ADGRF1: variants seen among roughly 807,000 people sequenced by gnomAD.
ADGRF1 encodes the protein adhesion G protein-coupled receptor F1.
A neutral mutation model predicts 87.2 loss-of-function variants in ADGRF1; 85 were observed. That is an observed-to-expected ratio of 0.97 (90% CI 0.82 to 1.17). The LOEUF is 1.17. Ranked by LOEUF, ADGRF1 falls within the 50% of genes most tolerant of loss-of-function variation. The pLI is 0.00. For missense variants in ADGRF1, 1,169 were observed against 1,077.2 expected, an observed-to-expected ratio of 1.09 and a Z score of -1.19; for synonymous variants, 430 against 408.8, an observed-to-expected ratio of 1.05 and a Z score of -0.63.
At chr6:47,007,587 C>T (rs1299784740) in intron 11 of ADGRF1, among the ~76,000 whole-genome samples, 2 of 152,232 alleles carry the variant, frequency 1.3e-5, no homozygotes, top group African/African-American at 4.8e-5. Flanking sequence ...CCAACCCAAA[C>T]AAATAGCATC....
Position 47,007,284 on chromosome 6 carries a change from A to G in ADGRF1, c.2501T>C (p.Ile834Thr). 1 of 1,539,302 alleles carries G rather than the reference A, an allele frequency of 6.5e-7. No individual in the cohort carries two copies. The highest frequency in any genetic ancestry group is 9.0e-7 in the Non-Finnish European group (1 of 1,114,236). ...GTCCAAGAGTATTCCAAAGCATAAG[A>G]TAAAAAATCCCTTTAAAAAGAAAGG... ...ALLNAFQGFFILCFGILLDSK... is the reference protein window; with the variant it reads ...ALLNAFQGFFTLCFGILLDSK... Residue 834 changes from isoleucine (I) to threonine (T), a missense_variant, in exon 12 of 15, where the codon ATC (isoleucine) becomes ACC (threonine). By Grantham distance (89) the Ile-to-Thr change is moderately conservative. Coordinates refer to ENST00000371253, the MANE Select transcript of ADGRF1 (RefSeq NM_153840.4).
chr6:47,037,065 T>C (rs1244047461), intron 1 of ADGRF1, among the ~76,000 whole-genome samples: 2 of 152,224 alleles, frequency 1.3e-5, no homozygotes, highest in African/African-American at 4.8e-5. Flanking sequence ...TTTCTAGACA[T>C]GGCCAAATTG....
At position 47,025,868 on chromosome 6, in the gene ADGRF1, G is replaced by A; in HGVS notation, c.263C>T (p.Ala88Val). 6.2e-7 allele frequency: 1 copy of A among 1,602,206 alleles called. No homozygotes were observed. Among genetic ancestry groups the A allele is most frequent in the Non-Finnish European group, 8.5e-7 (1 of 1,173,774 alleles). ...WSHGLIRIIR[A>V]KATTDCNSLN... is the part of the protein sequence containing the mutation. ...AGCCACCTTACCTGTGGTAGCCTTT[G>A]CTCTGATAATTCTAATTAGCCCATG... The change falls in exon 4 of 15, where the codon GCA becomes GTA. Residue 88 changes from alanine to valine, a missense_variant. Coordinates refer to ENST00000371253, the MANE Select transcript of ADGRF1 (RefSeq NM_153840.4).
chr6:47,021,632 A>G (rs1019065886), intron 6 of ADGRF1, among the ~76,000 whole-genome samples: 19 of 152,280 alleles, frequency 1.2e-4, no homozygotes, highest in Admixed American at 1.0e-3. Flanking sequence ...AAGTACTGGG[A>G]TTACAGGCGT....
intron 7 of ADGRF1, chr6:47,018,452 C>A (rs1779945351): frequency 1.6e-6 from 2 of 1,289,582 alleles, no homozygotes; most frequent in Non-Finnish European, 2.0e-6. Flanking sequence ...AGTGCAGACA[C>A]CCTTTTGCTT....
At chr6:47,022,975 C>A (rs1281060913) in intron 5 of ADGRF1, among the ~76,000 whole-genome samples, 2 of 151,630 alleles carry the variant, frequency 1.3e-5, no homozygotes, top group Non-Finnish European at 1.5e-5. Context: ...CTGTAAATAG[C>A]TAATTTTTGT....
chr6:47,015,786 C>T lies in ADGRF1; in HGVS notation c.763+831G>A, dbSNP rs373884136. Among the ~76,000 whole-genome samples, 132 of 149,722 alleles carry T rather than the reference C, an allele frequency of 8.8e-4. 6 individuals are homozygous for T. In the South Asian group the frequency reaches 0.023, roughly 26 times the overall value. ...TTTTTTTTTGTATTTTTAGTAGAGG[C>T]GGGATTTCACCATGTTGGCCAGGCT... On this transcript the variant is annotated intron_variant, in intron 8 of 14. Coordinates refer to ENST00000371253, the MANE Select transcript of ADGRF1 (RefSeq NM_153840.4).
chr6:47,018,820 T>C, intron 7 of ADGRF1: 1 of 274,004 alleles, frequency 3.6e-6, no homozygotes, highest in Non-Finnish European at 7.1e-6. Context: ...TAGGCTGGGC[T>C]TCGTGTCTCA....
At chr6:47,001,072 G>A (rs189473814) in intron 14 of ADGRF1, among the ~76,000 whole-genome samples, 14 of 152,344 alleles carry the variant, frequency 9.2e-5, no homozygotes, top group South Asian at 2.1e-4. Context: ...CTGCCCAGGG[G>A]CATTTTAGGG....
chr6:47,038,101 T>C lies in ADGRF1; in HGVS notation c.-44+4090A>G, dbSNP rs142663475. ...GTCTCGAACTCCTGACCTCAGGTGA[T>C]TCACCCGCCTCAGCCTCCAGAAGTG... On this transcript the variant is annotated intron_variant, in intron 1 of 14. Transcript: ENST00000371253. Among the ~76,000 whole-genome samples the C allele has an allele frequency of 2.0e-4, 30 of 152,306 alleles. No homozygotes were observed. In the East Asian group the frequency reaches 5.6e-3, roughly 28 times the overall value.
chr6:47,022,181 C>T (rs1780079008), intron 5 of ADGRF1, 123 bp from the exon 6 acceptor site: 1 of 597,232 alleles, frequency 1.7e-6, no homozygotes. Context: ...AAATTTTTTT[C>T]ATAAGAAATG....
Position 47,009,794 on chromosome 6 carries a change from T to C in ADGRF1, c.1641A>G (p.Ala547=). Residue 547 remains alanine (A), a synonymous_variant, in exon 11 of 15, where the codon GCA becomes GCG. Coordinates refer to ENST00000371253, the MANE Select transcript of ADGRF1 (RefSeq NM_153840.4). ...GAGTTTCATTCACTAGGTGGCAGCC[T>C]GCATCGTTCCACTGCAAATGACTGA... ...WDFSHLQWND[A]GCHLVNETQD... The C allele has an allele frequency of 6.2e-7, 1 of 1,614,140 alleles. No homozygotes were observed. The highest frequency in any genetic ancestry group is 8.5e-7 in the Non-Finnish European group (1 of 1,180,014).
At chr6:47,025,338 ATGC>A (rs1233448584) in intron 4 of ADGRF1, among the ~76,000 whole-genome samples, 4 of 152,144 alleles carry the variant, frequency 2.6e-5, no homozygotes, top group Admixed American at 1.3e-4. Flanking sequence ...AAGTTCCCTA[ATGC>A]TGCTGCTGCT....
At chr6:47,035,724 T>A (rs939007323) in intron 1 of ADGRF1, among the ~76,000 whole-genome samples, 1 of 152,234 alleles carries the variant, frequency 6.6e-6, no homozygotes, top group African/African-American at 2.4e-5. Context: ...TGATTGTTAA[T>A]TTGATCTCCA....
At chr6:47,021,857 C>T (rs1032976089) in intron 6 of ADGRF1, 101 bp downstream of exon 6, 52 of 666,202 alleles carry the variant, frequency 7.8e-5, no homozygotes, top group Admixed American at 6.2e-4. Flanking sequence ...TCACTGAAAA[C>T]GAATAATTAA....
chr6:47,032,224 C>T (rs1036320900), intron 1 of ADGRF1, among the ~76,000 whole-genome samples: 1 of 152,128 alleles, frequency 6.6e-6, no homozygotes, highest in African/African-American at 2.4e-5. Flanking sequence ...CTAGCCTGGT[C>T]GTGTGATAGG....
chr6:47,029,883 C>T (rs573289526), intron 1 of ADGRF1, among the ~76,000 whole-genome samples: 109 of 152,314 alleles, frequency 7.2e-4, no homozygotes, highest in Non-Finnish European at 1.3e-3. Flanking sequence ...CAACACAGAA[C>T]GGTTACATCA....
chr6:47,042,018 T>A (rs1006200720), intron 1 of ADGRF1, among the ~76,000 whole-genome samples, 173 bp downstream of exon 1: 3 of 152,204 alleles, frequency 2.0e-5, no homozygotes, highest in African/African-American at 7.2e-5. Flanking sequence ...AAATCTGTTG[T>A]TTCTGCTCAT....
At chr6:47,015,430 G>C (rs528789719) in intron 8 of ADGRF1, among the ~76,000 whole-genome samples, 1 of 150,102 alleles carries the variant, frequency 6.7e-6, no homozygotes, top group South Asian at 2.1e-4. Context: ...TTTTTTTTCA[G>C]ATGGGGTTGC....
Sources: allele counts gnomAD v4.1 joint callset (sites outside exome capture counted in the v4.1 genomes callset), GRCh38; gene constraint gnomAD v4.1.1; transcripts MANE v1.5; gene names NCBI Gene and HGNC (gene_info 2026-07-23, HGNC 2026-07-21).